Variants in EPHA4 observed in about 807,000 individuals in gnomAD.
The protein encoded by EPHA4 is ephrin type-A receptor 4.
In EPHA4, 19 loss-of-function variants were observed where a neutral mutation model predicts 108.3. The observed-to-expected ratio is 0.18, with a 90% confidence interval of 0.12 to 0.26. The LOEUF is 0.26. EPHA4 is among the 10% of genes least tolerant of loss of function. EPHA4 has a pLI of 1.00. For missense variants in EPHA4, 917 were observed against 1,254.0 expected, an observed-to-expected ratio of 0.73 and a Z score of 4.06; for synonymous variants, 449 against 455.5, an observed-to-expected ratio of 0.99 and a Z score of 0.18.
At chr2:221,566,361 T>G (rs1368349685) in intron 2 of EPHA4, among the ~76,000 whole-genome samples, 1 of 152,182 alleles carries the variant, frequency 6.6e-6, no homozygotes, top group Non-Finnish European at 1.5e-5. Context: ...TGATCAAGAC[T>G]CAATATGCTT....
intron 1 of EPHA4, among the ~76,000 whole-genome samples, chr2:221,569,680 C>G (rs1365415906): frequency 1.3e-5 from 2 of 151,490 alleles, no homozygotes; most frequent in African/African-American, 4.9e-5. Flanking sequence ...TCCTGGGGGT[C>G]GAAAGGCCCA....
chr2:221,438,388 T>A (rs751979684), intron 11 of EPHA4, among the ~76,000 whole-genome samples: 15 of 152,116 alleles, frequency 9.9e-5, no homozygotes, highest in South Asian at 2.1e-4. Flanking sequence ...GTGGGAATCA[T>A]GAGGTGTTTT....
chr2:221,424,185 C>T (rs1689832049), intron 17 of EPHA4, among the ~76,000 whole-genome samples: 1 of 151,402 alleles, frequency 6.6e-6, no homozygotes, highest in African/African-American at 2.4e-5. Flanking sequence ...AAAAGTCCTA[C>T]ATTTGTCAGC....
chr2:221,499,063 T>C (rs1341638430), intron 4 of EPHA4, among the ~76,000 whole-genome samples: 1 of 151,708 alleles, frequency 6.6e-6, no homozygotes, highest in East Asian at 1.9e-4. Flanking sequence ...GTGCTGGGAT[T>C]ATAGGCCTGA....
rs1694681667 is a variant in EPHA4 at position 221,566,969 on chromosome 2, G to GGAAGAGGAAGAGGAAGAAGAAGAAGAA, written c.159+1748_159+1749insTTCTTCTTCTTCTTCCTCTTCCTCTTC. ...GAGAAGGAGAAGGGGAAGAGGAAGA[G>GGAAGAGGAAGAGGAAGAAGAAGAAGAA]GAAGAAGAAGAAGAAGAAGAAGAAG... is the stretch of plus-strand genomic sequence containing the variant. On this transcript the variant is annotated intron_variant, in intron 2 of 17. Transcript: ENST00000281821. 1.1e-4 allele frequency among the ~76,000 whole-genome samples: 3 copies of GGAAGAGGAAGAGGAAGAAGAAGAAGAA among 27,654 alleles called. 1 individual carries two copies. 18.1% of individuals were successfully genotyped at this position (27,654 alleles called of 152,430 possible). A position where few individuals can be genotyped will look rare whatever the true frequency, so the allele number is the denominator to read the frequency against.
At chr2:221,540,820 C>G (rs1693814266) in intron 3 of EPHA4, among the ~76,000 whole-genome samples, 1 of 152,100 alleles carries the variant, frequency 6.6e-6, no homozygotes, top group Admixed American at 6.5e-5. Flanking sequence ...TTGTCGAAAC[C>G]TCACTGACAT....
At chr2:221,467,784 T>A (rs1248773320) in intron 5 of EPHA4, among the ~76,000 whole-genome samples, 3 of 152,182 alleles carry the variant, frequency 2.0e-5, no homozygotes, top group Non-Finnish European at 4.4e-5. Flanking sequence ...GCTGCTTGTT[T>A]TACTTTCTAC....
intron 15 of EPHA4, among the ~76,000 whole-genome samples, chr2:221,427,760 A>G (rs1224463113): frequency 1.3e-5 from 2 of 152,224 alleles, no homozygotes; most frequent in African/African-American, 4.8e-5. Context: ...TTCCTTGTAA[A>G]AACAAAATTA....
At chr2:221,432,090 A>C (rs1690092946) in intron 14 of EPHA4, among the ~76,000 whole-genome samples, 1 of 150,914 alleles carries the variant, frequency 6.6e-6, no homozygotes, top group Non-Finnish European at 1.5e-5. Context: ...AGAGAACTGA[A>C]AGTTCAAAAC....
intron 5 of EPHA4, among the ~76,000 whole-genome samples, chr2:221,460,269 A>G (rs916754152): frequency 6.6e-6 from 1 of 152,206 alleles, no homozygotes; most frequent in Non-Finnish European, 1.5e-5. Flanking sequence ...TGAAAGAGAA[A>G]TGCAAGCAAG....
rs1272419456 is a variant in EPHA4 at position 221,564,478 on chromosome 2, C to T, written c.160-84G>A. The T allele has an allele frequency of 6.6e-6, 9 of 1,372,566 alleles. No individual in the cohort carries two copies. In the East Asian group the frequency reaches 1.2e-4, roughly 18 times the overall value. The allele number at this position is 1,372,566 out of a possible 1,614,324, so 85.0% of individuals were successfully genotyped here. On this transcript the variant is annotated intron_variant, in intron 2 of 17. Coordinates refer to ENST00000281821, the MANE Select transcript of EPHA4 (RefSeq NM_004438.5). ...AATCCCATTTTATTCTCATAGGACA[C>T]CTGATTATTTTTCTTTCAATAATGA...
intron 3 of EPHA4, among the ~76,000 whole-genome samples, chr2:221,512,550 G>A (rs1692860047): frequency 6.6e-6 from 1 of 152,038 alleles, no homozygotes; most frequent in Non-Finnish European, 1.5e-5. Context: ...TTGATATTTG[G>A]GGTACATAAA....
chr2:221,537,829 G>A (rs1488644454), intron 3 of EPHA4, among the ~76,000 whole-genome samples: 1 of 152,140 alleles, frequency 6.6e-6, no homozygotes, highest in African/African-American at 2.4e-5. Context: ...AGACAAAGAT[G>A]ACGATGACGA....
intron 3 of EPHA4, among the ~76,000 whole-genome samples, chr2:221,535,513 C>A (rs1431662068): frequency 6.6e-6 from 1 of 152,150 alleles, no homozygotes; most frequent in Non-Finnish European, 1.5e-5. Context: ...GTCTTTTGTC[C>A]AATGCCCTAA....
intron 3 of EPHA4, among the ~76,000 whole-genome samples, chr2:221,506,727 G>A (rs1029098110): frequency 5.3e-5 from 8 of 152,160 alleles, no homozygotes; most frequent in Non-Finnish European, 1.5e-5. Flanking sequence ...TTGTTGAAGG[G>A]ACCTTCAAAA....
At chr2:221,426,253 A>G (rs1327784360) in intron 16 of EPHA4, 111 bp from the exon 17 acceptor site, 6 of 1,083,982 alleles carry the variant, frequency 5.5e-6, no homozygotes, top group Non-Finnish European at 8.3e-6. Context: ...AATACAGCAC[A>G]ACAAGGCAGG....
chr2:221,424,996 G>A (rs1689857531), intron 17 of EPHA4, among the ~76,000 whole-genome samples: 1 of 152,054 alleles, frequency 6.6e-6, no homozygotes, highest in Non-Finnish European at 1.5e-5. Flanking sequence ...TGGGTCATAT[G>A]TCACTTCTCC....
At chr2:221,494,804 G>T (rs1170427133) in intron 4 of EPHA4, among the ~76,000 whole-genome samples, 1 of 152,080 alleles carries the variant, frequency 6.6e-6, no homozygotes, top group Non-Finnish European at 1.5e-5. Flanking sequence ...TCCAGAAGGG[G>T]CAGGGAAACA....
intron 5 of EPHA4, among the ~76,000 whole-genome samples, chr2:221,467,624 A>G (rs1691351498): frequency 6.6e-6 from 1 of 152,208 alleles, no homozygotes; most frequent in South Asian, 2.1e-4. Context: ...TATTACAGGT[A>G]CAGTCATAGG....
Sources: gnomAD v4.1 joint callset for allele counts (sites outside exome capture counted in the v4.1 genomes callset) on GRCh38, gnomAD v4.1.1 for gene constraint, MANE v1.5 for transcripts, NCBI Gene and HGNC (gene_info 2026-07-23, HGNC 2026-07-21) for gene names.